ATP9B: variants seen among roughly 807,000 people sequenced by gnomAD.
The protein encoded by ATP9B is ATPase phospholipid transporting 9B.
ATP9B carries 110 observed loss-of-function variants against 146.1 expected under a neutral mutation model. That is an observed-to-expected ratio of 0.75 (90% CI 0.65 to 0.88). ATP9B has a LOEUF of 0.88. ATP9B is among the 40% of genes least tolerant of loss of function. ATP9B has a pLI of 0.00. For synonymous variants in ATP9B, 604 were observed against 569.7 expected, an observed-to-expected ratio of 1.06 and a Z score of -0.86; for missense variants, 1,499 against 1,496.4, an observed-to-expected ratio of 1.00 and a Z score of -0.03.
intron 6 of ATP9B, among the ~76,000 whole-genome samples, chr18:79,148,380 A>G (rs1476700776): frequency 6.6e-6 from 1 of 152,236 alleles, no homozygotes; most frequent in Non-Finnish European, 1.5e-5. Flanking sequence ...TATCAGCAGT[A>G]TATAAAGAAG....
At chr18:79,273,949 T>C (rs1044475021) in intron 12 of ATP9B, among the ~76,000 whole-genome samples, 11 of 152,220 alleles carry the variant, frequency 7.2e-5, no homozygotes, top group Non-Finnish European at 1.2e-4. Context: ...TTAAGATAAT[T>C]TATTTCATTT....
intron 25 of ATP9B, chr18:79,353,215 G>T (rs1313611880): frequency 6.6e-6 from 1 of 152,254 alleles, no homozygotes; most frequent in Non-Finnish European, 1.5e-5. Flanking sequence ...CAGTTTTTAT[G>T]AAATTAAAAA....
chr18:79,196,582 G>C (rs2095419941), intron 9 of ATP9B, among the ~76,000 whole-genome samples: 1 of 152,112 alleles, frequency 6.6e-6, no homozygotes, highest in African/African-American at 2.4e-5. Context: ...TAGGATGAAG[G>C]CAGGCTACTG....
chr18:79,279,225 G>A (rs899843587), intron 13 of ATP9B, among the ~76,000 whole-genome samples: 1 of 152,098 alleles, frequency 6.6e-6, no homozygotes, highest in African/African-American at 2.4e-5. Context: ...TGTGAGGGCT[G>A]CTTTCCCAAC....
chr18:79,268,804 T>C (rs1408747302), intron 12 of ATP9B, among the ~76,000 whole-genome samples: 5 of 152,236 alleles, frequency 3.3e-5, no homozygotes, highest in Admixed American at 3.3e-4. Context: ...ATGTGTTCGC[T>C]TTTTGTGCTT....
chr18:79,162,610 A>T (rs1205855722), intron 7 of ATP9B, among the ~76,000 whole-genome samples: 1 of 152,142 alleles, frequency 6.6e-6, no homozygotes, highest in Non-Finnish European at 1.5e-5. Context: ...GTTAAATGAC[A>T]CTGTACTCAT....
intron 11 of ATP9B, among the ~76,000 whole-genome samples, chr18:79,238,568 G>A (rs907762480): frequency 3.9e-5 from 6 of 152,088 alleles, no homozygotes; most frequent in African/African-American, 9.7e-5. Flanking sequence ...GGTGGTCATC[G>A]CGATTCAGAC....
intron 26 of ATP9B, chr18:79,364,271 AAAAAAAAAAG>A (rs1446744354): frequency 6.6e-6 from 1 of 152,004 alleles, no homozygotes; most frequent in African/African-American, 2.4e-5. Flanking sequence ...GTCTCAAAAA[AAAAAAAAAAG>A]AAAAGAAAAA....
intron 7 of ATP9B, among the ~76,000 whole-genome samples, chr18:79,175,225 A>C (rs563339369): frequency 2.8e-4 from 42 of 151,662 alleles, no homozygotes; most frequent in South Asian, 1.7e-3. Flanking sequence ...AAAAAAAAAA[A>C]CATCAAAACT....
Position 79,154,558 on chromosome 18 carries a change from AT to A in ATP9B, c.778+8del. Reference sequence around the variant, plus strand: ...TCTTAGGACTTCAGAAAAAGCAGGTATTTTTACATTTAAAAAAACTTACCTA... The same window carrying A: ...TCTTAGGACTTCAGAAAAAGCAGGTATTTTACATTTAAAAAAACTTACCTA... On this transcript the variant is annotated splice_donor_region_variant and intron_variant, in intron 7 of 29. Coordinates refer to ENST00000426216, the MANE Select transcript of ATP9B (RefSeq NM_198531.5). 2 of 1,517,148 alleles carry A rather than the reference AT, an allele frequency of 1.3e-6. No homozygotes were observed. The highest frequency in any genetic ancestry group is 1.8e-6 in the Non-Finnish European group (2 of 1,137,730). 94.0% of individuals were successfully genotyped at this position (1,517,148 alleles called of 1,614,324 possible).
At chr18:79,233,462 A>G (rs1471006191) in intron 11 of ATP9B, among the ~76,000 whole-genome samples, 2 of 152,238 alleles carry the variant, frequency 1.3e-5, no homozygotes, top group Non-Finnish European at 2.9e-5. Context: ...ACCCTGGTGT[A>G]TAATATTCAA....
chr18:79,341,910 C>G (rs914519808), intron 19 of ATP9B, among the ~76,000 whole-genome samples: 4 of 152,262 alleles, frequency 2.6e-5, no homozygotes, highest in Admixed American at 2.6e-4. Flanking sequence ...GTCCATCTCC[C>G]CATTCCCCTT....
At chr18:79,312,674 G>C (rs2096659363) in intron 15 of ATP9B, among the ~76,000 whole-genome samples, 1 of 152,232 alleles carries the variant, frequency 6.6e-6, no homozygotes, top group Non-Finnish European at 1.5e-5. Context: ...TGGTCAAGTG[G>C]GAGGAGGGGA....
intron 6 of ATP9B, among the ~76,000 whole-genome samples, chr18:79,150,290 T>C (rs1253795939): frequency 6.6e-6 from 1 of 152,152 alleles, no homozygotes; most frequent in East Asian, 1.9e-4. Context: ...ACAGTTATCC[T>C]GGAAAATCGC....
intron 26 of ATP9B, among the ~76,000 whole-genome samples, chr18:79,368,162 C>T (rs181783616): frequency 4.6e-5 from 7 of 152,302 alleles, no homozygotes; most frequent in Non-Finnish European, 8.8e-5. Flanking sequence ...CTGCAGCTTC[C>T]CTGCAAGTCT....
intron 13 of ATP9B, among the ~76,000 whole-genome samples, chr18:79,289,933 C>T (rs553275393): frequency 8.5e-5 from 13 of 152,286 alleles, no homozygotes; most frequent in African/African-American, 3.1e-4. Flanking sequence ...AGCGGATTTT[C>T]GTGAATCGCG....
chr18:79,119,069 T>TCAAAAAAAAAAAAA (rs1275458712), intron 4 of ATP9B, among the ~76,000 whole-genome samples: 1 of 148,308 alleles, frequency 6.7e-6, no homozygotes, highest in African/African-American at 2.5e-5. Context: ...AGACCGTGTC[T>TCAAAAAAAAAAAAA]TAAAAAAAAA....
intron 19 of ATP9B, among the ~76,000 whole-genome samples, chr18:79,339,994 G>A (rs1266055868): frequency 6.6e-6 from 1 of 152,196 alleles, no homozygotes; most frequent in Non-Finnish European, 1.5e-5. Flanking sequence ...CAGATGAGCT[G>A]GGTGTGGTGC....
At chr18:79,198,014 C>G (rs1036861783) in intron 9 of ATP9B, among the ~76,000 whole-genome samples, 15 of 152,130 alleles carry the variant, frequency 9.9e-5, no homozygotes, top group Admixed American at 8.5e-4. Context: ...GCAACAGCTA[C>G]ATAATACACA....
Sources: allele counts gnomAD v4.1 joint callset (sites outside exome capture counted in the v4.1 genomes callset), GRCh38; gene constraint gnomAD v4.1.1; transcripts MANE v1.5; gene names NCBI Gene and HGNC (gene_info 2026-07-23, HGNC 2026-07-21).